BACH2: variants seen among roughly 807,000 people sequenced by gnomAD.
The protein encoded by BACH2 is BACH transcriptional regulator 2.
Under a neutral mutation model 61.8 loss-of-function variants are expected in BACH2, and 5 were observed. That is an observed-to-expected ratio of 0.08 (90% CI 0.04 to 0.17). BACH2 has a LOEUF of 0.17. Among genes scored for constraint, BACH2 ranks in the 10% least tolerant of loss-of-function variants. The probability of loss-of-function intolerance (pLI) is 1.00; values close to 1 mark genes in which losing one functional copy is unlikely to be tolerated. For missense variants in BACH2, 824 were observed against 1,091.1 expected (o/e 0.76, Z 3.45); for synonymous variants, 446 against 440.1 (o/e 1.01, Z -0.17).
intron 6 of BACH2, chr6:90,001,562 CAG>C (rs1442365589): frequency 9.2e-5 from 14 of 152,334 alleles, no homozygotes; most frequent in African/African-American, 3.4e-4. Flanking sequence ...CTCATCATGT[CAG>C]AGTCTGATTT....
At chr6:89,952,442 G>A (rs377687944) in intron 6 of BACH2, among the ~76,000 whole-genome samples, 15 of 152,078 alleles carry the variant, frequency 9.9e-5, no homozygotes, top group Admixed American at 5.9e-4. Context: ...TGAGACTTTC[G>A]GTCATCATGT....
chr6:89,954,771 A>G (rs1181912365), intron 6 of BACH2, among the ~76,000 whole-genome samples: 1 of 152,040 alleles, frequency 6.6e-6, no homozygotes, highest in Admixed American at 6.6e-5. Context: ...CACATCACAA[A>G]TCAATGGCAC....
chr6:90,154,441 C>T (rs1259146705), intron 4 of BACH2, among the ~76,000 whole-genome samples: 3 of 152,094 alleles, frequency 2.0e-5, no homozygotes, highest in Non-Finnish European at 4.4e-5. Flanking sequence ...TAATCTACTC[C>T]TTTTATAGAT....
At chr6:90,021,820 G>A (rs1388607734) in intron 5 of BACH2, among the ~76,000 whole-genome samples, 1 of 152,162 alleles carries the variant, frequency 6.6e-6, no homozygotes, top group African/African-American at 2.4e-5. Flanking sequence ...GTCACTTAAT[G>A]TCCCTAATGC....
chr6:90,259,627 A>G (rs1444143172), intron 2 of BACH2, among the ~76,000 whole-genome samples: 1 of 152,050 alleles, frequency 6.6e-6, no homozygotes, highest in African/African-American at 2.4e-5. Flanking sequence ...ATTTTTTTGG[A>G]AGAGTTTAAG....
chr6:90,151,326 C>T (rs1784804188), intron 4 of BACH2, among the ~76,000 whole-genome samples: 1 of 152,110 alleles, frequency 6.6e-6, no homozygotes, highest in African/African-American at 2.4e-5. Flanking sequence ...GCTCTGTTGC[C>T]CAGGCTGGAA....
intron 7 of BACH2, among the ~76,000 whole-genome samples, chr6:89,941,912 G>T (rs569536759): frequency 6.6e-6 from 1 of 152,216 alleles, no homozygotes; most frequent in African/African-American, 2.4e-5. Context: ...AGGGGAATAG[G>T]AGGGAGAGTT....
rs542450882 is a variant in BACH2 at position 90,293,616 on chromosome 6, G to A, written c.-446+2864C>T. Among the ~76,000 whole-genome samples the A allele has an allele frequency of 4.5e-4, 68 of 152,304 alleles. 1 individual carries two copies. Among genetic ancestry groups the A allele is most frequent in the Middle Eastern group, 3.4e-3 (1 of 294 alleles). On this transcript the variant is annotated intron_variant, in intron 1 of 8. Coordinates refer to ENST00000257749, the MANE Select transcript of BACH2 (RefSeq NM_021813.4). ...CATGAACCTGACCATCTGGCCCTCT[G>A]TGACTCACTTTGATCACAAAATGAA...
At chr6:90,060,840 T>C (rs577513837) in intron 5 of BACH2, among the ~76,000 whole-genome samples, 118 of 152,218 alleles carry the variant, frequency 7.8e-4, no homozygotes, top group Non-Finnish European at 5.4e-4. Context: ...AAACTGGGAG[T>C]TGCAGTACGG....
At chr6:90,011,974 G>GTGTGTGTGTGTA (rs1422867546) in intron 5 of BACH2, among the ~76,000 whole-genome samples, 18 of 147,800 alleles carry the variant, frequency 1.2e-4, no homozygotes, top group African/African-American at 4.6e-4. Flanking sequence ...GTGTGTGTGT[G>GTGTGTGTGTGTA]TATGAGTGAT....
intron 6 of BACH2, among the ~76,000 whole-genome samples, chr6:89,977,956 C>T (rs530396797): frequency 8.0e-4 from 122 of 152,252 alleles, no homozygotes; most frequent in Non-Finnish European, 1.5e-3. Context: ...AGCTGCTGCC[C>T]CTGGGATCAC....
At chr6:90,076,911 TC>T (rs1220912892) in intron 5 of BACH2, among the ~76,000 whole-genome samples, 1 of 152,230 alleles carries the variant, frequency 6.6e-6, no homozygotes, top group Non-Finnish European at 1.5e-5. Context: ...TGTTGAAAAT[TC>T]CCGTTTTCCG....
chr6:90,103,020 TA>T (rs1562445894), intron 4 of BACH2, among the ~76,000 whole-genome samples: 5 of 43,380 alleles, frequency 1.2e-4, no homozygotes, highest in Admixed American at 2.5e-4. Flanking sequence ...TATATATATA[TA>T]TATATATATT....
chr6:89,954,416 A>G (rs909553110), intron 6 of BACH2, among the ~76,000 whole-genome samples: 4 of 149,714 alleles, frequency 2.7e-5, no homozygotes, highest in African/African-American at 7.4e-5. Flanking sequence ...GTCATTTAGC[A>G]TTAGGTATAT....
intron 2 of BACH2, among the ~76,000 whole-genome samples, chr6:90,260,490 T>C (rs1771121484): frequency 6.6e-6 from 1 of 152,206 alleles, no homozygotes; most frequent in African/African-American, 2.4e-5. Context: ...GAATGTTCTA[T>C]GTATACTCTA....
intron 6 of BACH2, among the ~76,000 whole-genome samples, chr6:90,001,824 G>A (rs991242307): frequency 1.3e-5 from 2 of 152,140 alleles, no homozygotes; most frequent in African/African-American, 4.8e-5. Context: ...CTGGGTGTGG[G>A]TGAGCAATGG....
At chr6:90,290,644 G>A (rs756055606) in intron 1 of BACH2, among the ~76,000 whole-genome samples, 4 of 152,188 alleles carry the variant, frequency 2.6e-5, no homozygotes, top group Non-Finnish European at 5.9e-5. Flanking sequence ...CATTCACTTT[G>A]TTTCCTACTT....
At chr6:90,014,802 A>G (rs1236188469) in intron 5 of BACH2, among the ~76,000 whole-genome samples, 3 of 151,630 alleles carry the variant, frequency 2.0e-5, no homozygotes, top group Non-Finnish European at 4.4e-5. Flanking sequence ...TTAAAGAGAC[A>G]GTGTCTCACT....
intron 3 of BACH2, among the ~76,000 whole-genome samples, chr6:90,225,931 C>T (rs1769898390): frequency 6.6e-6 from 1 of 152,106 alleles, no homozygotes; most frequent in African/African-American, 2.4e-5. Context: ...CAGTGGTTCT[C>T]CAAGCGGGGT....
Sources: allele counts gnomAD v4.1 joint callset (sites outside exome capture counted in the v4.1 genomes callset), GRCh38; gene constraint gnomAD v4.1.1; transcripts MANE v1.5; gene names NCBI Gene and HGNC (gene_info 2026-07-23, HGNC 2026-07-21).